Variants in ANKRD36 observed in about 807,000 individuals in gnomAD.
ANKRD36 encodes ankyrin repeat domain 36.
In ANKRD36, 179 loss-of-function variants were observed where a neutral mutation model predicts 278.1. The observed-to-expected ratio is 0.64, with a 90% CI of 0.57 to 0.73. The LOEUF is 0.73. Among genes scored for constraint, ANKRD36 ranks in the 30% least tolerant of loss-of-function variants. The pLI is 0.00. For missense variants in ANKRD36, 1,159 were observed against 1,956.7 expected, an observed-to-expected ratio of 0.59 and a Z score of 7.69; for synonymous variants, 320 against 641.1, an observed-to-expected ratio of 0.50 and a Z score of 7.57.
chr2:97,151,132 CCTT>C (rs1201380018), intron 12 of ANKRD36, among the ~76,000 whole-genome samples: 1 of 151,968 alleles, frequency 6.6e-6, no homozygotes, highest in East Asian at 1.9e-4. Context: ...GTTGCTCCCT[CCTT>C]TCCCTTTGTT....
intron 17 of ANKRD36, among the ~76,000 whole-genome samples, chr2:97,159,955 T>TAAA: frequency 7.9e-6 from 1 of 126,106 alleles, no homozygotes; most frequent in South Asian, 2.6e-4. Flanking sequence ...CTAATTTTTT[T>TAAA]AATATTTTTA....
At chr2:97,223,177 T>C (rs1324559944) in intron 66 of ANKRD36, among the ~76,000 whole-genome samples, 1 of 147,194 alleles carries the variant, frequency 6.8e-6, no homozygotes, top group African/African-American at 2.5e-5. Flanking sequence ...CTCGGCTCAC[T>C]GCAACCTCCA....
Position 97,124,601 on chromosome 2 carries a change from A to T in ANKRD36, c.731+4A>T. The T allele has an allele frequency of 1.9e-6, 3 of 1,547,608 alleles. No homozygotes were observed. The highest frequency in any genetic ancestry group is 2.6e-6 in the Non-Finnish European group (3 of 1,145,666). ...CCATTGAGGCTAAGAATAGAGTGTA[A>T]GTCTTTACATAAAAAGGCTAGTGAA... On this transcript the variant is annotated splice_donor_region_variant and intron_variant, in intron 5 of 75. Coordinates refer to ENST00000420699, the MANE Select transcript of ANKRD36 (RefSeq NM_001354587.1).
intron 66 of ANKRD36, among the ~76,000 whole-genome samples, chr2:97,221,725 G>T (rs2067752957): frequency 6.6e-6 from 1 of 150,556 alleles, no homozygotes; most frequent in African/African-American, 2.5e-5. Flanking sequence ...CCATGTTGTA[G>T]GTTGCCTGTT....
chr2:97,181,486 G>A, intron 24 of ANKRD36, 112 bp from the exon 25 acceptor site: 1 of 1,426,080 alleles, frequency 7.0e-7, no homozygotes, highest in South Asian at 1.4e-5. Context: ...AAACATCAAA[G>A]CCTACACTAG....
intron 6 of ANKRD36, among the ~76,000 whole-genome samples, chr2:97,128,677 CT>C (rs2039265169): frequency 6.6e-6 from 1 of 151,916 alleles, no homozygotes; most frequent in Non-Finnish European, 1.5e-5. Context: ...TGTGCCCACA[CT>C]TTTACAGAAT....
At chr2:97,210,447 G>T (rs1416203655) in intron 56 of ANKRD36, among the ~76,000 whole-genome samples, 1 of 151,826 alleles carries the variant, frequency 6.6e-6, no homozygotes, top group Admixed American at 6.6e-5. Flanking sequence ...TAAAAAATTT[G>T]ATTTTGGCTG....
intron 15 of ANKRD36, among the ~76,000 whole-genome samples, chr2:97,156,982 C>T (rs1249786866): frequency 2.0e-5 from 3 of 151,952 alleles, no homozygotes; most frequent in South Asian, 2.1e-4. Context: ...TGATGGTGAG[C>T]GTTTTTTTCA....
rs1341818649 is a variant in ANKRD36, at chr2:97,188,601, A to G, written c.2144-486A>G. On this transcript the variant is annotated intron_variant, in intron 32 of 75. Coordinates refer to ENST00000420699, the MANE Select transcript of ANKRD36 (RefSeq NM_001354587.1). ...CTTCCACTGAAGAGATGTGAAGTAT[A>G]CGTTCAACTGAATTGTCGTGGTAAC... is the stretch of plus-strand genomic sequence containing the variant. Among the ~76,000 whole-genome samples, 3 of 90,182 alleles carry G rather than the reference A, an allele frequency of 3.3e-5. 1 individual carries two copies. Among genetic ancestry groups the G allele is most frequent in the Admixed American group, 2.9e-4 (3 of 10,258 alleles). 59.2% of individuals were successfully genotyped at this position (90,182 alleles called of 152,430 possible).
chr2:97,204,133 T>C, intron 49 of ANKRD36, 37 bp downstream of exon 49: 3 of 1,573,508 alleles, frequency 1.9e-6, no homozygotes, highest in South Asian at 1.2e-5. Flanking sequence ...AACTAGTAAA[T>C]GTATAGTCTA....
At chr2:97,209,325 T>C (rs1378554129) in intron 54 of ANKRD36, among the ~76,000 whole-genome samples, 21 of 146,686 alleles carry the variant, frequency 1.4e-4, no homozygotes, top group African/African-American at 5.6e-4. Flanking sequence ...TATGGGATCA[T>C]GTAGCACCTG....
chr2:97,200,057 G>T (rs1256329657), intron 44 of ANKRD36, among the ~76,000 whole-genome samples: 5 of 151,850 alleles, frequency 3.3e-5, no homozygotes, highest in African/African-American at 4.8e-5. Context: ...TCATCACTCG[G>T]CATATCCACA....
At chr2:97,158,356 T>C (rs1437558838) in intron 16 of ANKRD36, among the ~76,000 whole-genome samples, 189 bp downstream of exon 16, 1 of 152,194 alleles carries the variant, frequency 6.6e-6, no homozygotes, top group Admixed American at 6.5e-5. Context: ...GCCTCCTGAG[T>C]AGCTGGGATT....
intron 57 of ANKRD36, 38 bp downstream of exon 57, chr2:97,211,612 G>A (rs1436586435): frequency 2.5e-6 from 4 of 1,600,372 alleles, no homozygotes; most frequent in Middle Eastern, 1.7e-4. Context: ...ACTATTAACT[G>A]TATAGTATAT....
At chr2:97,211,874 A>T (rs2064748720) in intron 58 of ANKRD36, 133 bp downstream of exon 58, 1 of 1,223,402 alleles carries the variant, frequency 8.2e-7, no homozygotes, top group African/African-American at 1.5e-5. Context: ...TTCATTTGTA[A>T]TAAGTTCTCG....
Position 97,217,379 on chromosome 2 carries a change from T to C in ANKRD36, c.3775+7T>C, listed in dbSNP as rs1428120241. 6.5e-7 allele frequency: 1 copy of C among 1,550,328 alleles called. No individual in the cohort carries two copies. The highest frequency in any genetic ancestry group is 8.7e-7 in the Non-Finnish European group (1 of 1,147,792). On this transcript the variant is annotated splice_region_variant and intron_variant, in intron 64 of 75. Coordinates refer to ENST00000420699, the MANE Select transcript of ANKRD36 (RefSeq NM_001354587.1). ...GGTTGGAAATCTGGAACAGGTAATT[T>C]AGCAATATACATTTAATGTCATGTG...
intron 4 of ANKRD36, among the ~76,000 whole-genome samples, chr2:97,123,304 A>G (rs2037443638): frequency 6.9e-6 from 1 of 144,212 alleles, no homozygotes; most frequent in African/African-American, 2.5e-5. Flanking sequence ...GTTATTTACA[A>G]TGTAATAATG....
At chr2:97,195,344 A>T (rs2059474101) in intron 40 of ANKRD36, among the ~76,000 whole-genome samples, 1 of 151,968 alleles carries the variant, frequency 6.6e-6, no homozygotes, top group Non-Finnish European at 1.5e-5. Context: ...GAGACCCCTG[A>T]TGTAGCAATT....
intron 29 of ANKRD36, 40 bp downstream of exon 29, chr2:97,185,384 A>G: frequency 6.2e-7 from 1 of 1,608,778 alleles, no homozygotes; most frequent in Non-Finnish European, 8.5e-7. Flanking sequence ...TAGTAACTGT[A>G]TAGTCCATGA....
Sources: gnomAD v4.1 joint callset for allele counts (sites outside exome capture counted in the v4.1 genomes callset) on GRCh38, gnomAD v4.1.1 for gene constraint, MANE v1.5 for transcripts, NCBI Gene and HGNC (gene_info 2026-07-23, HGNC 2026-07-21) for gene names.